The following RBCK1 variants were observed in gnomAD, a reference collection of about 807,000 sequenced individuals.
The protein encoded by RBCK1 is RANBP2-type and C3HC4-type zinc finger containing 1.
RBCK1 carries 44 observed loss-of-function variants against 71.1 expected under a neutral mutation model. The observed-to-expected ratio is 0.62, with a 90% confidence interval of 0.49 to 0.80. RBCK1 has a LOEUF of 0.80. RBCK1 is among the 30% of genes least tolerant of loss of function. RBCK1 has a pLI of 0.00. For missense variants in RBCK1, 569 were observed against 685.0 expected (o/e 0.83, Z 1.89); for synonymous variants, 306 against 279.7 (o/e 1.09, Z -0.94).
Position 422,251 on chromosome 20 carries a change from G to A in RBCK1, c.1029+13G>A. On this transcript the variant is annotated intron_variant, in intron 8 of 11. Coordinates refer to ENST00000356286, the MANE Select transcript of RBCK1 (RefSeq NM_031229.4). The surrounding 1 kb of genome is among the most constrained non-coding windows in gnomAD (Gnocchi z 5.0). ...GGAGATCAAGGCGGTAAGGCCTCAG[G>A]GTGGGAGACATACCCCAAGTCCCAA... The A allele has an allele frequency of 6.2e-7, 1 of 1,610,236 alleles. No individual in the cohort carries two copies. Among genetic ancestry groups the A allele is most frequent in the Non-Finnish European group, 8.5e-7 (1 of 1,177,090 alleles).
chr20:419,212 G>A, intron 4 of RBCK1, 135 bp from the exon 5 acceptor site: 1 of 1,227,874 alleles, frequency 8.1e-7, no homozygotes, highest in South Asian at 1.5e-5. Flanking sequence ...TGGCCAGATG[G>A]AAGCTGGAGG....
intron 4 of RBCK1, 30 bp from the exon 5 acceptor site, chr20:419,317 G>A (rs916516539): frequency 2.5e-6 from 4 of 1,610,942 alleles, no homozygotes; most frequent in Non-Finnish European, 8.5e-7. Context: ...GGGCCGCGTG[G>A]AACCACCACC....
rs67707964 is a variant in RBCK1, at chr20:417,395, T to TTG, written c.168-104_168-103dup. The TTG allele has an allele frequency of 0.068, 51,779 of 757,312 alleles. 551 individuals are homozygous for TTG. The highest frequency in any genetic ancestry group is 0.12 in the African/African-American group (6,650 of 57,186). The allele number at this position is 757,312 out of a possible 1,614,324, so 46.9% of individuals were successfully genotyped here. A position where few individuals can be genotyped will look rare whatever the true frequency, so the allele number is the denominator to read the frequency against. ...GGTGGGGCCTACCCCAGACTGGGGT[T>TTG]TGTGTGTGTGTGTGTGTGTGTGTGT... On this transcript the variant is annotated intron_variant, in intron 2 of 11. Coordinates refer to ENST00000356286, the MANE Select transcript of RBCK1 (RefSeq NM_031229.4). The surrounding 1 kb of genome is among the most constrained non-coding windows in gnomAD (Gnocchi z 4.7).
chr20:415,768 G>A (rs2015946671), intron 2 of RBCK1, among the ~76,000 whole-genome samples: 1 of 152,172 alleles, frequency 6.6e-6, no homozygotes. Flanking sequence ...TTCTGCAGGT[G>A]GTGTAGGAAG....
At chr20:410,430 T>G in intron 2 of RBCK1, 1 of 779,624 alleles carries the variant, frequency 1.3e-6, no homozygotes. Context: ...TGGTGCAAAA[T>G]GGCCATTCCA....
rs747760608 is a variant in RBCK1, at chr20:408,713, CA to C, written c.-44del. 6.7e-4 allele frequency: 1,080 copies of C among 1,610,004 alleles called. 3 individuals are homozygous for C. The highest frequency in any genetic ancestry group is 8.8e-4 in the Non-Finnish European group (1,040 of 1,178,866). ...CAGGCGACCCGGAGGTAGCATTTCC[CA>C]GGAGGCACGGTCCCCCCCAGGGGGA... On this transcript the variant is annotated 5_prime_UTR_variant, in exon 1 of 12. Transcript: ENST00000356286.
Position 419,700 on chromosome 20 carries a change from G to GC in RBCK1, c.726dup (p.Glu243ArgfsTer57). 1 of 1,570,748 alleles carries GC rather than the reference G, an allele frequency of 6.4e-7. No homozygotes were observed. Among genetic ancestry groups the GC allele is most frequent in the Non-Finnish European group, 8.6e-7 (1 of 1,161,746 alleles). On this transcript the variant is annotated frameshift_variant, in exon 6 of 12. Coordinates refer to ENST00000356286, the MANE Select transcript of RBCK1 (RefSeq NM_031229.4). LOFTEE classifies it high-confidence loss of function. ...GAGGAGGAGCGAGCGCGCCTGGCGG[G>GC]CGAGGAGGAGGCGCTGCGTCAGTAC...
At position 413,855 on chromosome 20, in the gene RBCK1, G is replaced by A. The variant is rs1199329705; in HGVS notation, c.168-3671G>A. ...TTACATTAATTAATAAAACATGAGC[G>A]CTGAAAGAGTTGTTTCTGTGAAAAT... On this transcript the variant is annotated intron_variant, in intron 2 of 11. Transcript: ENST00000356286. 2.7e-5 allele frequency among the ~76,000 whole-genome samples: 4 copies of A among 150,296 alleles called. No homozygotes were observed. In the East Asian group the frequency reaches 5.8e-4, roughly 22 times the overall value.
intron 9 of RBCK1, 138 bp downstream of exon 9, chr20:427,630 A>G (rs2016803508): frequency 3.2e-6 from 3 of 951,896 alleles, no homozygotes; most frequent in Non-Finnish European, 4.7e-6. Flanking sequence ...TGTCAGTGGG[A>G]GAGTGTGGCT....
At chr20:421,304 C>T (rs1046882945) in intron 7 of RBCK1, among the ~76,000 whole-genome samples, 3 of 152,184 alleles carry the variant, frequency 2.0e-5, no homozygotes, top group African/African-American at 7.2e-5. Flanking sequence ...TTTCGCCGCC[C>T]GGGCTCCTGC....
Position 430,667 on chromosome 20 carries a change from C to T in RBCK1, c.*237C>T. On this transcript the variant is annotated 3_prime_UTR_variant, in exon 12 of 12. Coordinates refer to ENST00000356286, the MANE Select transcript of RBCK1 (RefSeq NM_031229.4). The surrounding 1 kb of genome is among the most constrained non-coding windows in gnomAD (Gnocchi z 5.6). Reference sequence around the variant, plus strand: ...TGCCTGACCCCAGCCTTAAACATAGCCCCTGGCCAGAGGCCTTGCTGGGTG... The same window carrying T: ...TGCCTGACCCCAGCCTTAAACATAGTCCCTGGCCAGAGGCCTTGCTGGGTG... The T allele has an allele frequency of 1.8e-6, 1 of 567,722 alleles. No individual in the cohort carries two copies. The highest frequency in any genetic ancestry group is 3.2e-6 in the Non-Finnish European group (1 of 316,564). The allele number at this position is 567,722 out of a possible 1,614,324, so 35.2% of individuals were successfully genotyped here.
At chr20:427,178 G>A (rs906824385) in intron 8 of RBCK1, 135 bp from the exon 9 acceptor site, 1 of 772,650 alleles carries the variant, frequency 1.3e-6, no homozygotes, top group Admixed American at 2.8e-5. Flanking sequence ...AACACTATGA[G>A]GATTACATGA....
chr20:428,356 A>G lies in RBCK1; in HGVS notation c.1210-135A>G. The stretch of plus-strand genomic sequence containing the variant: ...TCTTCTGTAAAATGGCTTATGCATT[A>G]CAAAGTGAGGTCCTGCCAGTGACTA... On this transcript the variant is annotated intron_variant, in intron 9 of 11. Coordinates refer to ENST00000356286, the MANE Select transcript of RBCK1 (RefSeq NM_031229.4). This position sits in a 1 kb window ranked among gnomAD's most constrained non-coding sequence, Gnocchi z 5.7. 3.5e-6 allele frequency: 2 copies of G among 576,290 alleles called. No individual in the cohort carries two copies. The highest frequency in any genetic ancestry group is 6.1e-6 in the Non-Finnish European group (2 of 325,724). The allele number at this position is 576,290 out of a possible 1,614,324, so 35.7% of individuals were successfully genotyped here. A position where few individuals can be genotyped will look rare whatever the true frequency, so the allele number is the denominator to read the frequency against.
chr20:430,885 A>C lies in RBCK1; in HGVS notation c.*455A>C, dbSNP rs563657453. On this transcript the variant is annotated 3_prime_UTR_variant, in exon 12 of 12. Coordinates refer to ENST00000356286, the MANE Select transcript of RBCK1 (RefSeq NM_031229.4). The surrounding 1 kb of genome is among the most constrained non-coding windows in gnomAD (Gnocchi z 5.6). ...AGGAAGGAGACTGCACAGTTTTGAA[A>C]GCACAGCCCGTCAGGTCCGGCTCTG... 61 of 166,250 alleles carry C rather than the reference A, an allele frequency of 3.7e-4. No homozygotes were observed. The highest frequency in any genetic ancestry group is 1.3e-3 in the African/African-American group (53 of 41,866). 10.3% of individuals were successfully genotyped at this position (166,250 alleles called of 1,614,324 possible).
At chr20:427,054 GAAACTCTTGGCCTCA>G (rs1453668302) in intron 8 of RBCK1, among the ~76,000 whole-genome samples, 40 of 151,968 alleles carry the variant, frequency 2.6e-4, no homozygotes, top group African/African-American at 8.9e-4. Context: ...AGGCTGGTCT[GAAACTCTTGGCCTCA>G]AGGAATCCTC....
intron 2 of RBCK1, among the ~76,000 whole-genome samples, chr20:416,115 C>T (rs116690465): frequency 0.021 from 3,134 of 150,836 alleles, 98 homozygotes; most frequent in African/African-American, 0.071. Context: ...TTTCCTGTAA[C>T]TGGTAGTTAG....
chr20:418,962 T>A (rs143702857), intron 4 of RBCK1, among the ~76,000 whole-genome samples: 51 of 152,352 alleles, frequency 3.3e-4, no homozygotes, highest in African/African-American at 1.2e-3. Flanking sequence ...TCAGTCCCTT[T>A]CAAAGAGTCC....
chr20:426,816 C>CTTTTTTTTTTTTTTTTTTTTTTT (rs768525416), intron 8 of RBCK1, among the ~76,000 whole-genome samples: 10 of 95,508 alleles, frequency 1.0e-4, no homozygotes, highest in Non-Finnish European at 1.6e-4. Context: ...TTTTCTTTTC[C>CTTTTTTTTTTTTTTTTTTTTTTT]TTTTTTTTTT....
Position 422,642 on chromosome 20 carries a change from C to T in RBCK1, c.1029+404C>T, listed in dbSNP as rs2016507534. On this transcript the variant is annotated intron_variant, in intron 8 of 11. Coordinates refer to ENST00000356286, the MANE Select transcript of RBCK1 (RefSeq NM_031229.4). The surrounding 1 kb of genome is among the most constrained non-coding windows in gnomAD (Gnocchi z 5.0). ...CCCATGAGTTCCAGACCAACCTGGG[C>T]AACATGGCAAAAAATATTCAAAAAA... 1.3e-5 allele frequency among the ~76,000 whole-genome samples: 2 copies of T among 152,044 alleles called. No homozygotes were observed. The highest frequency in any genetic ancestry group is 1.3e-4 in the Admixed American group (2 of 15,266).
Sources: allele counts gnomAD v4.1 joint callset (sites outside exome capture counted in the v4.1 genomes callset), GRCh38; gene constraint gnomAD v4.1.1; non-coding constraint Gnocchi (gnomAD v3.1); transcripts MANE v1.5; gene names NCBI Gene and HGNC (gene_info 2026-07-23, HGNC 2026-07-21).